ARSB: variants seen among roughly 807,000 people sequenced by gnomAD.
The protein encoded by ARSB is arylsulfatase B.
ARSB carries 41 observed loss-of-function variants against 50.9 expected under a neutral mutation model. That is an observed-to-expected ratio of 0.81 (90% confidence interval 0.63 to 1.04). The LOEUF (loss-of-function observed/expected upper bound fraction) is 1.04, where lower values mean the gene tolerates loss of function less well. Among genes scored for constraint, ARSB ranks in the 50% least tolerant of loss-of-function variants. The pLI, the probability that ARSB is intolerant of heterozygous loss-of-function variation, is 0.00. For synonymous variants in ARSB, 269 were observed against 284.8 expected (o/e 0.94, Z 0.56); for missense variants, 672 against 693.3 (o/e 0.97, Z 0.35).
intron 5 of ARSB, among the ~76,000 whole-genome samples, chr5:78,853,417 G>T (rs1047747949): frequency 1.3e-5 from 2 of 152,200 alleles, no homozygotes; most frequent in South Asian, 4.1e-4. Flanking sequence ...TCCTCTGGAA[G>T]TTTTGTCTCA....
chr5:78,883,982 T>C (rs1216605657), intron 5 of ARSB: 1 of 152,208 alleles, frequency 6.6e-6, no homozygotes, highest in African/African-American at 2.4e-5. Flanking sequence ...CAAAGTATGG[T>C]ATTTCCAGAG....
chr5:78,972,928 A>T (rs1752521455), intron 1 of ARSB, among the ~76,000 whole-genome samples: 1 of 152,224 alleles, frequency 6.6e-6, no homozygotes, highest in Admixed American at 6.5e-5. Context: ...TTGACAGAGC[A>T]TTTTTATGGC....
intron 5 of ARSB, among the ~76,000 whole-genome samples, chr5:78,876,781 TAGGAACTGGACCTCACAGC>T (rs1747501926): frequency 6.6e-6 from 1 of 152,142 alleles, no homozygotes; most frequent in South Asian, 2.1e-4. Flanking sequence ...TGTGGCCTAT[TAGGAACTGGACCTCACAGC>T]AGGAGGTGAG....
chr5:78,876,335 A>T (rs770433313), intron 5 of ARSB, among the ~76,000 whole-genome samples: 10 of 152,250 alleles, frequency 6.6e-5, no homozygotes. Flanking sequence ...ACTGGTAAAG[A>T]AAGTAAAGGC....
intron 6 of ARSB, among the ~76,000 whole-genome samples, chr5:78,816,866 G>C (rs1049377170): frequency 6.6e-6 from 1 of 152,170 alleles, no homozygotes; most frequent in Non-Finnish European, 1.5e-5. Context: ...AAGCTTGGAA[G>C]AAGGTTCTTC....
intron 1 of ARSB, among the ~76,000 whole-genome samples, chr5:78,979,269 A>T (rs1464770648): frequency 6.6e-6 from 1 of 152,268 alleles, no homozygotes; most frequent in East Asian, 1.9e-4. Flanking sequence ...AATGAAAATC[A>T]AAACTACAAT....
At chr5:78,972,510 C>T (rs1399478576) in intron 1 of ARSB, among the ~76,000 whole-genome samples, 2 of 124,524 alleles carry the variant, frequency 1.6e-5, no homozygotes, top group Non-Finnish European at 3.4e-5. Flanking sequence ...CATTTGCACG[C>T]ATACGTACAC....
intron 4 of ARSB, among the ~76,000 whole-genome samples, chr5:78,923,558 A>G (rs906421672): frequency 4.6e-5 from 7 of 152,218 alleles, no homozygotes; most frequent in African/African-American, 1.7e-4. Flanking sequence ...GAAGGATGCA[A>G]TTGTGGCTTT....
chr5:78,791,819 G>A (rs77790553), intron 6 of ARSB, among the ~76,000 whole-genome samples: 3,491 of 152,292 alleles, frequency 0.023, 62 homozygotes, highest in African/African-American at 0.032. Flanking sequence ...CTGAACTGAT[G>A]CTTTAGTGAA....
At chr5:78,847,011 GT>G (rs1305587408) in intron 5 of ARSB, among the ~76,000 whole-genome samples, 1 of 152,206 alleles carries the variant, frequency 6.6e-6, no homozygotes, top group Non-Finnish European at 1.5e-5. Flanking sequence ...AGATGGTCAT[GT>G]GGTTTTTATA....
intron 4 of ARSB, among the ~76,000 whole-genome samples, chr5:78,895,043 C>A (rs776734475): frequency 1.7e-4 from 26 of 152,304 alleles, no homozygotes; most frequent in Non-Finnish European, 3.5e-4. Context: ...AACCAACCAA[C>A]CAAACAAACA....
At chr5:78,867,026 G>A (rs1453721906) in intron 5 of ARSB, among the ~76,000 whole-genome samples, 1 of 152,208 alleles carries the variant, frequency 6.6e-6, no homozygotes, top group African/African-American at 2.4e-5. Flanking sequence ...GGGTCAGGGA[G>A]TTCCCTTTCC....
intron 4 of ARSB, among the ~76,000 whole-genome samples, chr5:78,895,959 A>G (rs1748541931): frequency 6.6e-6 from 1 of 152,162 alleles, no homozygotes; most frequent in South Asian, 2.1e-4. Context: ...TAATGGACGG[A>G]GGGATACAAG....
chr5:78,929,984 C>T (rs572562666), intron 4 of ARSB, among the ~76,000 whole-genome samples: 54 of 152,158 alleles, frequency 3.5e-4, no homozygotes, highest in Non-Finnish European at 6.6e-4. Context: ...CTGATGATCA[C>T]AACCCACCAT....
At chr5:78,927,730 AG>A (rs1750118473) in intron 4 of ARSB, among the ~76,000 whole-genome samples, 1 of 152,204 alleles carries the variant, frequency 6.6e-6, no homozygotes, top group Admixed American at 6.5e-5. Context: ...GGCCAGAGGC[AG>A]CTTTGAACCA....
intron 6 of ARSB, among the ~76,000 whole-genome samples, chr5:78,833,908 C>T (rs1287029165): frequency 6.6e-6 from 1 of 152,192 alleles, no homozygotes; most frequent in Non-Finnish European, 1.5e-5. Flanking sequence ...ATGTCAATTA[C>T]AACTTAATAA....
chr5:78,872,948 A>G (rs1462984869), intron 5 of ARSB, among the ~76,000 whole-genome samples: 3 of 152,150 alleles, frequency 2.0e-5, no homozygotes, highest in Non-Finnish European at 4.4e-5. Context: ...ATTGCCTGCT[A>G]TCTTAGATCC....
intron 6 of ARSB, chr5:78,817,208 A>C (rs1447448299): frequency 2.9e-6 from 2 of 695,508 alleles, no homozygotes; most frequent in African/African-American, 3.9e-5. Context: ...GTCCTTGTTC[A>C]CTGACCAATA....
intron 6 of ARSB, among the ~76,000 whole-genome samples, chr5:78,787,558 T>C (rs889051076): frequency 1.3e-5 from 2 of 152,202 alleles, no homozygotes; most frequent in Non-Finnish European, 2.9e-5. Flanking sequence ...TGTTCTGGAA[T>C]TCCATGACAT....
Sources: allele counts gnomAD v4.1 joint callset (sites outside exome capture counted in the v4.1 genomes callset), GRCh38; gene constraint gnomAD v4.1.1; transcripts MANE v1.5; gene names NCBI Gene and HGNC (gene_info 2026-07-23, HGNC 2026-07-21).